Variants in LIN54 observed in about 807,000 individuals in gnomAD.
LIN54 encodes lin-54 DREAM MuvB core complex component.
In LIN54, 9 loss-of-function variants were observed where a neutral mutation model predicts 78.7. The observed-to-expected ratio is 0.11, with a 90% CI of 0.07 to 0.20. LIN54 has a LOEUF of 0.20. Among genes scored for constraint, LIN54 ranks in the 10% least tolerant of loss-of-function variants. The pLI, the probability that LIN54 is intolerant of heterozygous loss-of-function variation, is 1.00. For missense variants in LIN54, 573 were observed against 889.9 expected, an observed-to-expected ratio of 0.64 and a Z score of 4.53; for synonymous variants, 269 against 318.4, an observed-to-expected ratio of 0.84 and a Z score of 1.65.
rs371976010 is a variant in LIN54, at chr4:82,930,957, A to G, written c.2034T>C (p.Asn678=). Residue 678 remains asparagine (N), a synonymous_variant, in exon 12 of 13, where the codon AAT becomes AAC. Transcript: ENST00000340417. ...DLLTRPTPAL[N]SGGGKLPFTF... Reference sequence around the variant, plus strand: ...TACTGACTTACTTTCCGCCTCCACTATTTAAAGCTGGTGTTGGCCTAGTAA... The same window carrying G: ...TACTGACTTACTTTCCGCCTCCACTGTTTAAAGCTGGTGTTGGCCTAGTAA... 2.9e-5 allele frequency: 47 copies of G among 1,613,964 alleles called. No individual in the cohort carries two copies. The African/African-American group carries it at 6.0e-4, about 21-fold the overall frequency.
chr4:82,947,235 A>ATATATATATATATATATATATT, intron 4 of LIN54, among the ~76,000 whole-genome samples: 1 of 44,290 alleles, frequency 2.3e-5, no homozygotes, highest in Non-Finnish European at 3.7e-5. Context: ...ATATATATAT[A>ATATATATATATATATATATATT]TTTTTTTTTT....
chr4:82,932,656 T>TA (rs1279626323), intron 11 of LIN54, among the ~76,000 whole-genome samples: 1 of 148,808 alleles, frequency 6.7e-6, no homozygotes, highest in Admixed American at 6.7e-5. Flanking sequence ...CCATCTCTCT[T>TA]TAAAAAAAAA....
intron 6 of LIN54, 60 bp from the exon 7 acceptor site, chr4:82,939,796 G>T (rs1722696958): frequency 6.3e-7 from 1 of 1,590,866 alleles, no homozygotes; most frequent in Non-Finnish European, 8.6e-7. Flanking sequence ...GTTCAATTCA[G>T]TATAAATCTC....
chr4:82,995,489 C>CTTTTTTT (rs749880882), intron 1 of LIN54, among the ~76,000 whole-genome samples: 18 of 76,328 alleles, frequency 2.4e-4, no homozygotes, highest in Non-Finnish European at 2.9e-4. Flanking sequence ...ATCCTTATCT[C>CTTTTTTT]TTTTTTTTTT....
intron 5 of LIN54, among the ~76,000 whole-genome samples, chr4:82,945,267 T>C (rs1723264901): frequency 6.6e-6 from 1 of 152,202 alleles, no homozygotes; most frequent in Non-Finnish European, 1.5e-5. Flanking sequence ...TTCTTGACAT[T>C]GTCAGAATAT....
At position 82,947,231 on chromosome 4, in the gene LIN54, A is replaced by ATTTTT. The variant is rs1390095473; in HGVS notation, c.952-758_952-757insAAAAA. 2.4e-3 allele frequency among the ~76,000 whole-genome samples: 34 copies of ATTTTT among 13,938 alleles called. No homozygotes were observed. In the East Asian group the frequency reaches 0.038, roughly 16 times the overall value. 9.1% of individuals were successfully genotyped at this position (13,938 alleles called of 152,430 possible). A position where few individuals can be genotyped will look rare whatever the true frequency, so the allele number is the denominator to read the frequency against. ...TTTATATATATATATATATATATAT[A>ATTTTT]TATATTTTTTTTTTTTTTGAAGACA... On this transcript the variant is annotated intron_variant, in intron 4 of 12. Coordinates refer to ENST00000340417, the MANE Select transcript of LIN54 (RefSeq NM_194282.4).
At chr4:82,986,309 G>C (rs62311669) in intron 1 of LIN54, among the ~76,000 whole-genome samples, 1 of 151,744 alleles carries the variant, frequency 6.6e-6, no homozygotes, top group Non-Finnish European at 1.5e-5. Flanking sequence ...TAGAGACAAG[G>C]TTTCTCCATG....
intron 2 of LIN54, among the ~76,000 whole-genome samples, chr4:82,981,315 T>A (rs545258278): frequency 1.3e-5 from 2 of 152,322 alleles, no homozygotes; most frequent in African/African-American, 2.4e-5. Flanking sequence ...AAAGTGTTTA[T>A]ATATCTGTTA....
chr4:82,956,932 C>T (rs1578541432), intron 4 of LIN54, among the ~76,000 whole-genome samples: 2 of 152,266 alleles, frequency 1.3e-5, no homozygotes, highest in South Asian at 4.2e-4. Flanking sequence ...GCCATTTCTA[C>T]TTCTTTATCC....
intron 4 of LIN54, among the ~76,000 whole-genome samples, chr4:82,964,878 G>A (rs1434885575): frequency 6.6e-6 from 1 of 152,114 alleles, no homozygotes; most frequent in Non-Finnish European, 1.5e-5. Context: ...CGGGCATGGT[G>A]GCATAGCTAC....
intron 5 of LIN54, among the ~76,000 whole-genome samples, chr4:82,943,174 G>C (rs1723080628): frequency 6.6e-6 from 1 of 151,958 alleles, no homozygotes; most frequent in Admixed American, 6.6e-5. Context: ...TCTTTGGCAG[G>C]AACTCTGAAC....
At chr4:83,005,043 C>T (rs1157168444) in intron 1 of LIN54, among the ~76,000 whole-genome samples, 1 of 152,048 alleles carries the variant, frequency 6.6e-6, no homozygotes, top group Admixed American at 6.6e-5. Flanking sequence ...TACAGGCACC[C>T]ACCACCATGC....
Position 82,929,805 on chromosome 4 carries a change from CAAA to C in LIN54, c.2048+1135_2048+1137del. ...TGGGCAACAGAGTGAGACTCTATCTCAAAAAGAAAACAAAACAAAAAACCAAAA... is the reference window on the plus strand; with the variant it reads ...TGGGCAACAGAGTGAGACTCTATCTCAAGAAAACAAAACAAAAAACCAAAA... On this transcript the variant is annotated intron_variant, in intron 12 of 12. Transcript: ENST00000340417. 1.3e-5 allele frequency among the ~76,000 whole-genome samples: 2 copies of C among 152,108 alleles called. 1 individual carries two copies. The highest frequency in any genetic ancestry group is 4.2e-4 in the South Asian group (2 of 4,818).
At chr4:83,000,069 A>G (rs1406772210) in intron 1 of LIN54, among the ~76,000 whole-genome samples, 2 of 151,574 alleles carry the variant, frequency 1.3e-5, no homozygotes, top group Non-Finnish European at 2.9e-5. Flanking sequence ...AATTTTTTAA[A>G]TTTTTATAGA....
chr4:82,946,483 C>T lies in LIN54; in HGVS notation c.952-9G>A, dbSNP rs1487664036. On this transcript the variant is annotated splice_polypyrimidine_tract_variant and intron_variant, in intron 4 of 12. Coordinates refer to ENST00000340417, the MANE Select transcript of LIN54 (RefSeq NM_194282.4). ...ACAGTTGATTTCACTGCCTATTAAACAATACAACATGGCTGTCATTAATCT... is the reference window on the plus strand; with the variant it reads ...ACAGTTGATTTCACTGCCTATTAAATAATACAACATGGCTGTCATTAATCT... 1.3e-6 allele frequency: 2 copies of T among 1,589,640 alleles called. No individual in the cohort carries two copies. Among genetic ancestry groups the T allele is most frequent in the Middle Eastern group, 1.7e-4 (1 of 6,008 alleles).
rs145472138 is a variant in LIN54, at chr4:82,998,851, A to G, written c.-33+11633T>C. ...GTCATGAATGTATGAAACATATGTAAACATTGTGTTTTATAATTTACTACC... is the reference window on the plus strand; with the variant it reads ...GTCATGAATGTATGAAACATATGTAGACATTGTGTTTTATAATTTACTACC... On this transcript the variant is annotated intron_variant, in intron 1 of 12. Transcript: ENST00000340417. Among the ~76,000 whole-genome samples the G allele has an allele frequency of 3.8e-3, 573 of 152,262 alleles. 1 individual carries two copies. Among genetic ancestry groups the G allele is most frequent in the African/African-American group, 0.013 (543 of 41,566 alleles).
intron 1 of LIN54, among the ~76,000 whole-genome samples, chr4:82,998,898 AAGTTAC>A (rs1348096550): frequency 6.6e-6 from 1 of 152,216 alleles, no homozygotes; most frequent in Non-Finnish European, 1.5e-5. Context: ...AAATTATAAA[AAGTTAC>A]AATGTATAAA....
upstream of LIN54, chr4:83,012,067 A>G: frequency 1.0e-6 from 1 of 984,490 alleles, no homozygotes; most frequent in Non-Finnish European, 1.2e-6. Context: ...TCAGCCTTCA[A>G]CAAGGGCTGT....
chr4:82,950,977 A>G (rs1296598619), intron 4 of LIN54, among the ~76,000 whole-genome samples: 3 of 152,166 alleles, frequency 2.0e-5, no homozygotes, highest in Admixed American at 2.0e-4. Flanking sequence ...TAGCTTAACC[A>G]ATATCCAAAA....
Sources: gnomAD v4.1 joint callset for allele counts (sites outside exome capture counted in the v4.1 genomes callset) on GRCh38, gnomAD v4.1.1 for gene constraint, MANE v1.5 for transcripts, NCBI Gene and HGNC (gene_info 2026-07-23, HGNC 2026-07-21) for gene names.